The following SLC16A14 variants were observed in gnomAD, a reference collection of about 807,000 sequenced individuals.
SLC16A14 encodes solute carrier family 16 member 14.
A neutral mutation model predicts 35.8 loss-of-function variants in SLC16A14; 14 were observed. The ratio of observed to expected loss-of-function variants is 0.39; its 90% CI spans 0.26 to 0.61. SLC16A14 has a LOEUF of 0.61. Among genes scored for constraint, SLC16A14 ranks in the 20% least tolerant of loss-of-function variants. The pLI is 0.51. For synonymous variants in SLC16A14, 248 were observed against 258.9 expected, an observed-to-expected ratio of 0.96 and a Z score of 0.40; for missense variants, 533 against 655.0, an observed-to-expected ratio of 0.81 and a Z score of 2.03.
At chr2:230,042,733 C>CAGAGGCTGG (rs1361859856) in intron 4 of SLC16A14, among the ~76,000 whole-genome samples, 1 of 152,192 alleles carries the variant, frequency 6.6e-6, no homozygotes, top group African/African-American at 2.4e-5. Context: ...TCCTCTAGTA[C>CAGAGGCTGG]AGAGGCTGGA....
Position 230,046,864 on chromosome 2 carries a change from T to G in SLC16A14, c.404-142A>C, listed in dbSNP as rs542557229. 9.5e-7 allele frequency: 1 copy of G among 1,049,528 alleles called. No homozygotes were observed. The highest frequency in any genetic ancestry group is 1.6e-5 in the African/African-American group (1 of 62,002). The allele number at this position is 1,049,528 out of a possible 1,614,324, so 65.0% of individuals were successfully genotyped here. A position where few individuals can be genotyped will look rare whatever the true frequency, so the allele number is the denominator to read the frequency against. On this transcript the variant is annotated intron_variant, in intron 3 of 4. Coordinates refer to ENST00000295190, the MANE Select transcript of SLC16A14 (RefSeq NM_152527.5). The surrounding 1 kb of genome is among the most constrained non-coding windows in gnomAD (Gnocchi z 5.0). Reference sequence around the variant, plus strand: ...TCTAACAAAGCAATAACACTGATTATTTAAAAAGCAGCTCCCAGGGATAAG... The same window carrying G: ...TCTAACAAAGCAATAACACTGATTAGTTAAAAAGCAGCTCCCAGGGATAAG...
chr2:230,056,366 T>C (rs1294668274), intron 2 of SLC16A14, among the ~76,000 whole-genome samples: 1 of 150,402 alleles, frequency 6.6e-6, no homozygotes, highest in Non-Finnish European at 1.5e-5. Flanking sequence ...GCAATTCTCC[T>C]GCCTCAGCCT....
intron 2 of SLC16A14, among the ~76,000 whole-genome samples, chr2:230,057,348 C>T (rs2077713829): frequency 6.6e-6 from 1 of 152,190 alleles, no homozygotes; most frequent in Non-Finnish European, 1.5e-5. Flanking sequence ...GGTTTAGTAT[C>T]TCCAGCTGTA....
intron 1 of SLC16A14, among the ~76,000 whole-genome samples, chr2:230,062,348 CT>C (rs374870184): frequency 1.3e-3 from 171 of 127,644 alleles, no homozygotes; most frequent in African/African-American, 1.8e-3. Flanking sequence ...TTGTTTTTAC[CT>C]TTTTTTTTTT....
In SLC16A14 at chr2:230,040,162, T is replaced by TA. The variant is rs912084983; in HGVS notation, c.1382-2632dup. Among the ~76,000 whole-genome samples, 44 of 152,206 alleles carry TA rather than the reference T, an allele frequency of 2.9e-4. 1 individual carries two copies. The highest frequency in any genetic ancestry group is 9.6e-4 in the African/African-American group (40 of 41,542). The stretch of plus-strand genomic sequence containing the variant: ...TCCTTCATCTTTACTCTGCAGAATA[T>TA]AAAAAATGTCTGTTAAGTATATTAC... On this transcript the variant is annotated intron_variant, in intron 4 of 4. Transcript: ENST00000295190.
At chr2:230,045,711 G>A in intron 4 of SLC16A14, 34 bp downstream of exon 4, 1 of 1,612,474 alleles carries the variant, frequency 6.2e-7, no homozygotes, top group Non-Finnish European at 8.5e-7. Flanking sequence ...ATATGTACAT[G>A]CACTCTGAGC....
chr2:230,051,908 C>T (rs1256600272), intron 2 of SLC16A14, among the ~76,000 whole-genome samples: 1 of 150,930 alleles, frequency 6.6e-6, no homozygotes, highest in African/African-American at 2.4e-5. Flanking sequence ...AAATTAACTC[C>T]TTAGAATAGA....
At position 230,046,771 on chromosome 2, in the gene SLC16A14, C is replaced by G; in HGVS notation, c.404-49G>C. On this transcript the variant is annotated intron_variant, in intron 3 of 4. Transcript: ENST00000295190. The surrounding 1 kb of genome is among the most constrained non-coding windows in gnomAD (Gnocchi z 5.0). ...AAAAGACACAGTGCAACATCAGTGGCCATATCCAGAATTCGCAGCAAAGAT... is the reference window on the plus strand; with the variant it reads ...AAAAGACACAGTGCAACATCAGTGGGCATATCCAGAATTCGCAGCAAAGAT... 1 of 1,522,354 alleles carries G rather than the reference C, an allele frequency of 6.6e-7. No homozygotes were observed. The highest frequency in any genetic ancestry group is 8.8e-7 in the Non-Finnish European group (1 of 1,141,618). The allele number at this position is 1,522,354 out of a possible 1,614,324, so 94.3% of individuals were successfully genotyped here. A position where few individuals can be genotyped will look rare whatever the true frequency, so the allele number is the denominator to read the frequency against.
intron 3 of SLC16A14, among the ~76,000 whole-genome samples, chr2:230,049,431 G>A (rs2077638541): frequency 6.6e-6 from 1 of 151,902 alleles, no homozygotes; most frequent in Admixed American, 6.6e-5. Flanking sequence ...CTTAATCTTT[G>A]GTCCATTCAC....
chr2:230,043,498 GA>G (rs1481072816), intron 4 of SLC16A14, among the ~76,000 whole-genome samples: 1 of 152,220 alleles, frequency 6.6e-6, no homozygotes, highest in African/African-American at 2.4e-5. Context: ...ACCCACTGGG[GA>G]GAGATATTCC....
intron 1 of SLC16A14, chr2:230,067,228 C>A: frequency 6.5e-6 from 1 of 154,182 alleles, no homozygotes; most frequent in Non-Finnish European, 1.4e-5. Context: ...GGGAGCGGAG[C>A]TGAGCTGAGC....
chr2:230,046,400 C>T lies in SLC16A14; in HGVS notation c.726G>A (p.Gln242=). 1.2e-6 allele frequency: 2 copies of T among 1,614,244 alleles called. No homozygotes were observed. Among genetic ancestry groups the T allele is most frequent in the Non-Finnish European group, 1.7e-6 (2 of 1,180,046 alleles). ...HSTESVKSTG[Q]QGRTEEKDGG... is the part of the protein sequence containing the mutation. ...CATCCTTCTCTTCTGTTCTTCCCTG[C>T]TGTCCAGTTGACTTCACAGATTCTG... The change falls in exon 4 of 5, where the codon CAG becomes CAA. Residue 242 remains glutamine, a synonymous_variant. Transcript: ENST00000295190. The surrounding 1 kb of genome is among the most constrained non-coding windows in gnomAD (Gnocchi z 5.0).
At position 230,046,152 on chromosome 2, in the gene SLC16A14, A is replaced by G; in HGVS notation, c.974T>C (p.Phe325Ser). The change falls in exon 4 of 5, where the codon TTT becomes TCT. Residue 325 changes from phenylalanine (F) to serine (S), a missense_variant. Transcript: ENST00000295190. This position sits in a 1 kb window ranked among gnomAD's most constrained non-coding sequence, Gnocchi z 5.0. ...GGGGATGACAAAGCTGCTGTATGCA[A>G]ACAAAGCCCAGAAAATAAAGGCTAC... is the stretch of plus-strand genomic sequence containing the variant. ...MFVAFIFWAL[F>S]AYSSFVIPFI... 6.2e-7 allele frequency: 1 copy of G among 1,614,046 alleles called. No homozygotes were observed. Among genetic ancestry groups the G allele is most frequent in the Non-Finnish European group, 8.5e-7 (1 of 1,179,896 alleles).
chr2:230,053,726 A>G (rs2106265844), intron 2 of SLC16A14, among the ~76,000 whole-genome samples: 1 of 152,322 alleles, frequency 6.6e-6, no homozygotes, highest in East Asian at 1.9e-4. Context: ...GGTTGCAGTG[A>G]GCTGAGATCG....
chr2:230,067,904 T>C (rs1278019512), intron 1 of SLC16A14: 1 of 152,120 alleles, frequency 6.6e-6, no homozygotes, highest in Non-Finnish European at 1.5e-5. Flanking sequence ...GGGTCCGGCC[T>C]CGCGCCCCAC....
chr2:230,058,714 C>A (rs575515842), intron 2 of SLC16A14, among the ~76,000 whole-genome samples: 2 of 152,214 alleles, frequency 1.3e-5, no homozygotes, highest in African/African-American at 4.8e-5. Flanking sequence ...CTCACTGCAA[C>A]CTCCACCTCC....
chr2:230,051,138 G>A (rs1455527104), intron 2 of SLC16A14, among the ~76,000 whole-genome samples: 2 of 152,114 alleles, frequency 1.3e-5, no homozygotes, highest in South Asian at 2.1e-4. Context: ...TTTCCTTTAC[G>A]CTGACTTTCT....
chr2:230,046,330 C>T lies in SLC16A14; in HGVS notation c.796G>A (p.Glu266Lys). 3 of 1,614,182 alleles carry T rather than the reference C, an allele frequency of 1.9e-6. No individual in the cohort carries two copies. Among genetic ancestry groups the T allele is most frequent in the Non-Finnish European group, 2.5e-6 (3 of 1,180,018 alleles). ...CTGTGCCCGGCCTGATCGGGGCACT[C>T]CTGGGCTTGCAGGTCGCAGAGGGTC... ...EETLCDLQAQECPDQAGHRKN... is the reference protein window; with the variant it reads ...EETLCDLQAQKCPDQAGHRKN... The change falls in exon 4 of 5, where the codon GAG (glutamate) becomes AAG (lysine). Residue 266 changes from glutamate (E) to lysine (K), a missense_variant. By Grantham distance (56) the Glu-to-Lys change is moderately conservative. Transcript: ENST00000295190. The surrounding 1 kb of genome is among the most constrained non-coding windows in gnomAD (Gnocchi z 5.0).
intron 4 of SLC16A14, among the ~76,000 whole-genome samples, chr2:230,044,580 C>T (rs896566856): frequency 5.9e-5 from 9 of 151,848 alleles, no homozygotes; most frequent in East Asian, 1.9e-4. Context: ...CAAGAGGGCA[C>T]GCGCCAAAGA....
Sources: allele counts gnomAD v4.1 joint callset (sites outside exome capture counted in the v4.1 genomes callset), GRCh38; gene constraint gnomAD v4.1.1; non-coding constraint Gnocchi (gnomAD v3.1); transcripts MANE v1.5; gene names NCBI Gene and HGNC (gene_info 2026-07-23, HGNC 2026-07-21).